PIK3C2G: variants seen among roughly 807,000 people sequenced by gnomAD.
PIK3C2G encodes phosphatidylinositol 3-kinase C2 domain-containing subunit gamma.
In PIK3C2G, 168 loss-of-function variants were observed where a neutral mutation model predicts 181.1. That is an observed-to-expected ratio of 0.93 (90% CI 0.82 to 1.05). The LOEUF is 1.05. PIK3C2G is among the 50% of genes least tolerant of loss of function. The pLI is 0.00. For synonymous variants in PIK3C2G, 573 were observed against 592.2 expected, an observed-to-expected ratio of 0.97 and a Z score of 0.47; for missense variants, 1,869 against 1,732.8, an observed-to-expected ratio of 1.08 and a Z score of -1.40.
chr12:18,276,030 G>A (rs557110346), intron 1 of PIK3C2G, among the ~76,000 whole-genome samples: 38 of 152,250 alleles, frequency 2.5e-4, no homozygotes, highest in African/African-American at 8.7e-4. Flanking sequence ...AGAGGAAGGG[G>A]ATCTGCATAT....
chr12:18,255,548 C>T (rs1948137578), intron 1 of PIK3C2G, among the ~76,000 whole-genome samples: 1 of 152,174 alleles, frequency 6.6e-6, no homozygotes, highest in South Asian at 2.1e-4. Flanking sequence ...TCACTATCTC[C>T]CAACTGGTTG....
chr12:18,578,451 C>T (rs955455801), intron 29 of PIK3C2G, among the ~76,000 whole-genome samples: 2 of 152,078 alleles, frequency 1.3e-5, no homozygotes, highest in African/African-American at 4.8e-5. Flanking sequence ...CACTCATGCT[C>T]TCTGTGTTGC....
the PIK3C2G span, chr12:18,693,539 C>T: frequency 1.2e-6 from 2 of 1,610,778 alleles, no homozygotes; most frequent in Non-Finnish European, 1.7e-6. Context: ...TGGCTCTGAA[C>T]TTATTCAGAA....
chr12:18,716,808 A>G, the PIK3C2G span, among the ~76,000 whole-genome samples: 1,091 of 152,328 alleles, frequency 7.2e-3, 13 homozygotes, highest in African/African-American at 0.025. Flanking sequence ...GTGTAATGTT[A>G]CTATTTTCTA....
At position 18,538,167 on chromosome 12, in the gene PIK3C2G, C is replaced by T. The variant is rs1327878312; in HGVS notation, c.3335C>T (p.Pro1112Leu). ...TTTTTGGTTTACAGGGACCGAGCTCCTTTCATTTTTACTTCAGAGATGGAA... is the reference window on the plus strand; with the variant it reads ...TTTTTGGTTTACAGGGACCGAGCTCTTTTCATTTTTACTTCAGAGATGGAA... ...TFGGIKRDRA[P>L]FIFTSEMEYF... Residue 1112 changes from proline to leucine, a missense_variant, in exon 25 of 33, where the codon CCT (proline) becomes CTT (leucine). Physicochemically the swap from Pro to Leu is moderately conservative, Grantham distance 98. Coordinates refer to ENST00000538779, the MANE Select transcript of PIK3C2G (RefSeq NM_001288772.2). 18 of 1,610,918 alleles carry T rather than the reference C, an allele frequency of 1.1e-5. No individual in the cohort carries two copies. Among genetic ancestry groups the T allele is most frequent in the Non-Finnish European group, 1.5e-5 (18 of 1,178,564 alleles).
chr12:18,707,996 C>T, the PIK3C2G span, among the ~76,000 whole-genome samples: 65,328 of 152,036 alleles, frequency 0.43, 16,668 homozygotes, highest in South Asian at 0.6. Context: ...TTCACAGTTA[C>T]CCTTTTTAAA....
intron 12 of PIK3C2G, among the ~76,000 whole-genome samples, chr12:18,368,290 G>A (rs759649412): frequency 1.2e-4 from 18 of 152,058 alleles, no homozygotes; most frequent in African/African-American, 1.9e-4. Flanking sequence ...AATATAATGC[G>A]GTATACAACC....
chr12:18,599,751 A>T (rs1947604316), intron 30 of PIK3C2G, among the ~76,000 whole-genome samples: 1 of 151,830 alleles, frequency 6.6e-6, no homozygotes, highest in African/African-American at 2.4e-5. Flanking sequence ...TTGAAAATTA[A>T]AATATAGCCA....
intron 29 of PIK3C2G, among the ~76,000 whole-genome samples, chr12:18,592,904 A>G (rs1214643754): frequency 6.6e-6 from 1 of 151,948 alleles, no homozygotes; most frequent in African/African-American, 2.4e-5. Context: ...GGCTGCCATA[A>G]CAACCTACTA....
intron 18 of PIK3C2G, among the ~76,000 whole-genome samples, chr12:18,436,481 G>GA (rs1423341283): frequency 1.3e-5 from 2 of 151,978 alleles, no homozygotes; most frequent in Admixed American, 6.6e-5. Context: ...ACATTAAGGG[G>GA]AGAGTAGATT....
At chr12:18,292,227 A>AATATATATATATATATATATAT (rs1555149102) in intron 4 of PIK3C2G, among the ~76,000 whole-genome samples, 2 of 48,726 alleles carry the variant, frequency 4.1e-5, no homozygotes, top group African/African-American at 1.1e-4. Context: ...AAAAAAAAAA[A>AATATATATATATATATATATAT]ATATATATAT....
chr12:18,378,322 C>CA (rs1565654311), intron 13 of PIK3C2G, among the ~76,000 whole-genome samples: 5 of 152,102 alleles, frequency 3.3e-5, no homozygotes, highest in African/African-American at 1.2e-4. Context: ...GTTCCCCCCC[C>CA]CGTAACTAAT....
At chr12:18,461,708 A>C (rs185044411) in intron 18 of PIK3C2G, among the ~76,000 whole-genome samples, 22 of 152,302 alleles carry the variant, frequency 1.4e-4, no homozygotes, top group Non-Finnish European at 2.8e-4. Flanking sequence ...CCTTTCCACT[A>C]TGTGAGGCCA....
At chr12:18,399,194 C>CAAAAAAAAAA in intron 15 of PIK3C2G, among the ~76,000 whole-genome samples, 1 of 80,452 alleles carries the variant, frequency 1.2e-5, no homozygotes, top group East Asian at 3.4e-4. Flanking sequence ...GACTCCGTCT[C>CAAAAAAAAAA]AAAAAAAAAA....
upstream of PIK3C2G, among the ~76,000 whole-genome samples, chr12:18,244,358 T>C (rs1167226860): frequency 6.6e-6 from 1 of 151,964 alleles, no homozygotes; most frequent in East Asian, 1.9e-4. Flanking sequence ...AAATAAATTA[T>C]AGAATCTAAT....
intron 18 of PIK3C2G, among the ~76,000 whole-genome samples, chr12:18,466,311 T>A (rs1937875750): frequency 1.3e-5 from 2 of 151,714 alleles, no homozygotes; most frequent in South Asian, 4.1e-4. Flanking sequence ...TTTTTACGGA[T>A]CTAATTCTTT....
rs1948234198 is a variant in PIK3C2G at position 18,261,542 on chromosome 12, A to G, written c.-114A>G. 6.6e-6 allele frequency: 1 copy of G among 152,148 alleles called. No homozygotes were observed. The highest frequency in any genetic ancestry group is 1.5e-5 in the Non-Finnish European group (1 of 68,022). The allele number at this position is 152,148 out of a possible 1,614,324, so 9.4% of individuals were successfully genotyped here. On this transcript the variant is annotated 5_prime_UTR_variant, in exon 1 of 33. Transcript: ENST00000538779. ...CGTATTTGACTCTTGAAAAGAAATG[A>G]GATCGTGTTTCATTTCAGGAAGATA...
intron 25 of PIK3C2G, among the ~76,000 whole-genome samples, chr12:18,544,842 A>G (rs1175177256): frequency 2.0e-5 from 3 of 151,834 alleles, no homozygotes; most frequent in African/African-American, 7.2e-5. Flanking sequence ...TCTGTATTAT[A>G]GCATGTGCTT....
chr12:18,439,643 T>C (rs1946632443), intron 18 of PIK3C2G, among the ~76,000 whole-genome samples: 1 of 152,034 alleles, frequency 6.6e-6, no homozygotes, highest in Non-Finnish European at 1.5e-5. Context: ...ACTTGCAAAA[T>C]GTCTCATGAA....
Sources: gnomAD v4.1 joint callset for allele counts (sites outside exome capture counted in the v4.1 genomes callset) on GRCh38, gnomAD v4.1.1 for gene constraint, MANE v1.5 for transcripts, NCBI Gene and HGNC (gene_info 2026-07-23, HGNC 2026-07-21) for gene names.